STARD13: variants seen among roughly 807,000 people sequenced by gnomAD.
STARD13 encodes StAR related lipid transfer domain containing 13.
STARD13 carries 62 observed loss-of-function variants against 106.4 expected under a neutral mutation model. The observed-to-expected ratio is 0.58, with a 90% confidence interval of 0.48 to 0.72. The LOEUF is 0.72. Ranked by LOEUF, STARD13 falls within the 30% of genes least tolerant of loss-of-function variation. STARD13 has a pLI of 0.00. For synonymous variants in STARD13, 565 were observed against 553.0 expected (o/e 1.02, Z -0.31); for missense variants, 1,387 against 1,424.0 (o/e 0.97, Z 0.42).
At chr13:33,520,939 A>G in the STARD13 span, among the ~76,000 whole-genome samples, 7 of 152,096 alleles carry the variant, frequency 4.6e-5, no homozygotes, top group Admixed American at 4.6e-4. Context: ...GCCTCCAGAT[A>G]TTCCTTCATT....
chr13:33,482,229 GAGTC>G, the STARD13 span, among the ~76,000 whole-genome samples: 7 of 152,176 alleles, frequency 4.6e-5, no homozygotes, highest in African/African-American at 1.7e-4. Flanking sequence ...GTATCGGCAT[GAGTC>G]AGTAACTATG....
the STARD13 span, among the ~76,000 whole-genome samples, chr13:33,620,322 G>A: frequency 9.0e-5 from 13 of 143,860 alleles, no homozygotes; most frequent in East Asian, 4.1e-4. Context: ...TCACTCTGTC[G>A]CCCAGGCTGG....
the STARD13 span, among the ~76,000 whole-genome samples, chr13:33,647,883 TAATATACAATTAAATA>T: frequency 1.3e-5 from 2 of 152,096 alleles, no homozygotes; most frequent in African/African-American, 4.8e-5. Flanking sequence ...TATAATCAAA[TAATATACAATTAAATA>T]AATATACAAT....
chr13:33,582,334 A>T, the STARD13 span, among the ~76,000 whole-genome samples: 1 of 152,174 alleles, frequency 6.6e-6, no homozygotes, highest in African/African-American at 2.4e-5. Context: ...CCCTGTTCTT[A>T]CTTTTACTCA....
the STARD13 span, among the ~76,000 whole-genome samples, chr13:33,532,129 C>A: frequency 1.3e-5 from 2 of 152,158 alleles, no homozygotes; most frequent in African/African-American, 4.8e-5. Flanking sequence ...ACCTGAAGCT[C>A]ATTTTCTAGC....
At chr13:33,226,261 A>T (rs1382358199) in intron 1 of STARD13, among the ~76,000 whole-genome samples, 1 of 152,202 alleles carries the variant, frequency 6.6e-6, no homozygotes, top group Admixed American at 6.5e-5. Context: ...TTCTTCTTAG[A>T]GACAAACTTT....
At chr13:33,620,286 C>CA in the STARD13 span, among the ~76,000 whole-genome samples, 1 of 142,782 alleles carries the variant, frequency 7.0e-6, no homozygotes, top group Admixed American at 7.0e-5. Context: ...TTTCTTTTTT[C>CA]TTTTTTTTTT....
At chr13:33,661,990 C>T in the STARD13 span, among the ~76,000 whole-genome samples, 3 of 151,788 alleles carry the variant, frequency 2.0e-5, no homozygotes, top group African/African-American at 2.4e-5. Context: ...TGGCTGGTCG[C>T]GGTGGCTCAT....
intron 1 of STARD13, among the ~76,000 whole-genome samples, chr13:33,200,887 A>T (rs749891801): frequency 2.0e-5 from 3 of 151,886 alleles, no homozygotes; most frequent in African/African-American, 7.3e-5. Flanking sequence ...TTAGCCGGGC[A>T]TGGTGGCAGG....
intron 4 of STARD13, among the ~76,000 whole-genome samples, chr13:33,142,064 T>A (rs1416793170): frequency 6.6e-6 from 1 of 152,202 alleles, no homozygotes; most frequent in Non-Finnish European, 1.5e-5. Flanking sequence ...GGTGTCACTG[T>A]GTCACCCAGG....
exon 2 of STARD13, chr13:33,348,805 A>T (rs2078042091): frequency 3.8e-6 from 1 of 266,296 alleles, no homozygotes; most frequent in South Asian, 5.9e-5. Flanking sequence ...TCTGGGTCCA[A>T]ACCAAAAAAG....
At chr13:33,625,133 G>C in the STARD13 span, among the ~76,000 whole-genome samples, 3 of 152,214 alleles carry the variant, frequency 2.0e-5, no homozygotes, top group African/African-American at 7.2e-5. Flanking sequence ...CTAGGCACAA[G>C]AGTGAGTGGA....
At chr13:33,502,138 T>G in the STARD13 span, among the ~76,000 whole-genome samples, 1 of 152,226 alleles carries the variant, frequency 6.6e-6, no homozygotes, top group Non-Finnish European at 1.5e-5. Context: ...TTTATTCTCT[T>G]TGAAGCAATT....
the STARD13 span, among the ~76,000 whole-genome samples, chr13:33,622,758 A>G: frequency 6.6e-6 from 1 of 151,434 alleles, no homozygotes; most frequent in Non-Finnish European, 1.5e-5. Flanking sequence ...CATCTCTACT[A>G]AAAATACAAA....
At chr13:33,169,520 C>T (rs541017410) in intron 1 of STARD13, among the ~76,000 whole-genome samples, 6 of 152,264 alleles carry the variant, frequency 3.9e-5, no homozygotes, top group East Asian at 3.9e-4. Context: ...CGGATAGTAA[C>T]GAGAAAACAC....
chr13:33,397,915 G>A, the STARD13 span, among the ~76,000 whole-genome samples: 1 of 152,188 alleles, frequency 6.6e-6, no homozygotes, highest in East Asian at 1.9e-4. Context: ...TCTTATGAGA[G>A]CTCTGCCCCC....
At chr13:33,673,505 GT>G in the STARD13 span, among the ~76,000 whole-genome samples, 2,367 of 149,882 alleles carry the variant, frequency 0.016, 69 homozygotes, top group African/African-American at 0.056. Flanking sequence ...ATATACATTA[GT>G]TTTTTTTCTT....
chr13:33,253,438 C>T (rs1360498180), intron 1 of STARD13, among the ~76,000 whole-genome samples: 1 of 152,212 alleles, frequency 6.6e-6, no homozygotes, highest in Non-Finnish European at 1.5e-5. Flanking sequence ...AGGAAAAACA[C>T]AATTACCCCA....
chr13:33,433,432 G>T, the STARD13 span, among the ~76,000 whole-genome samples: 2 of 152,188 alleles, frequency 1.3e-5, no homozygotes, highest in Non-Finnish European at 2.9e-5. Context: ...TTGGGTTCCA[G>T]AGGAAGATGT....
Sources: gnomAD v4.1 joint callset for allele counts (sites outside exome capture counted in the v4.1 genomes callset) on GRCh38, gnomAD v4.1.1 for gene constraint, MANE v1.5 for transcripts, NCBI Gene and HGNC (gene_info 2026-07-23, HGNC 2026-07-21) for gene names.